The following PRIMPOL variants were observed in gnomAD, a reference collection of about 807,000 sequenced individuals.
PRIMPOL encodes DNA-directed primase/polymerase protein.
PRIMPOL carries 54 observed loss-of-function variants against 63.6 expected under a neutral mutation model. The ratio of observed to expected loss-of-function variants is 0.85; its 90% CI spans 0.68 to 1.07. The LOEUF is 1.07. Ranked by LOEUF, PRIMPOL falls within the 50% of genes least tolerant of loss-of-function variation. The probability of loss-of-function intolerance (pLI) is 0.00; values close to 1 mark genes in which losing one functional copy is unlikely to be tolerated. For missense variants in PRIMPOL, 610 were observed against 648.3 expected (o/e 0.94, Z 0.64); for synonymous variants, 197 against 220.2 (o/e 0.89, Z 0.93).
rs1237870521 is a variant in PRIMPOL, at chr4:184,666,055, A to G, written c.547A>G (p.Ile183Val). The change falls in exon 6 of 14, where the codon ATT (isoleucine) becomes GTT (valine). Residue 183 changes from isoleucine (I) to valine (V), a missense_variant. Transcript: ENST00000314970. ...QLHDVAFKDN[I>V]HVGNFLRKIL... ...CCATGATGTGGCATTTAAAGATAATATTCATGTTGGTAAGTACACGGCTTT... is the reference window on the plus strand; with the variant it reads ...CCATGATGTGGCATTTAAAGATAATGTTCATGTTGGTAAGTACACGGCTTT... 2 of 1,604,142 alleles carry G rather than the reference A, an allele frequency of 1.2e-6. No homozygotes were observed. Among genetic ancestry groups the G allele is most frequent in the African/African-American group, 2.7e-5 (2 of 74,480 alleles).
At chr4:184,655,681 G>A (rs998328803) in intron 2 of PRIMPOL, among the ~76,000 whole-genome samples, 2 of 152,132 alleles carry the variant, frequency 1.3e-5, no homozygotes, top group Non-Finnish European at 2.9e-5. Context: ...ATTTGCCAAT[G>A]AGTTTGTGTT....
At chr4:184,692,618 ATTTTC>A (rs148316053) in intron 13 of PRIMPOL, among the ~76,000 whole-genome samples, 9,838 of 151,862 alleles carry the variant, frequency 0.065, 1,012 homozygotes, top group African/African-American at 0.22. Context: ...ATGTATGCTC[ATTTTC>A]TTTTTTTTTG....
chr4:184,657,524 T>A, intron 3 of PRIMPOL: 1 of 474,510 alleles, frequency 2.1e-6, no homozygotes, highest in Non-Finnish European at 3.7e-6. Flanking sequence ...ATTAACCATT[T>A]AATTTATATT....
chr4:184,677,730 G>A lies in PRIMPOL; in HGVS notation c.845-502G>A, dbSNP rs902189491. On this transcript the variant is annotated intron_variant, in intron 7 of 13. Transcript: ENST00000314970. ...TTGAATCTATAGATCACCTAGGGGA[G>A]AACTGACATTTTTATAATATTGAGT... 1.8e-4 allele frequency among the ~76,000 whole-genome samples: 27 copies of A among 152,272 alleles called. 2 individuals are homozygous for A. In the South Asian group the frequency reaches 5.6e-3, roughly 32 times the overall value.
chr4:184,684,897 C>T (rs1186825477), intron 9 of PRIMPOL, among the ~76,000 whole-genome samples: 4 of 152,030 alleles, frequency 2.6e-5, no homozygotes, highest in Non-Finnish European at 2.9e-5. Context: ...TAGCTGGGAT[C>T]GGGGGTGTTG....
chr4:184,673,665 C>T (rs928398550), intron 7 of PRIMPOL, among the ~76,000 whole-genome samples: 2 of 152,024 alleles, frequency 1.3e-5, no homozygotes, highest in South Asian at 2.1e-4. Context: ...CCTCGTGATC[C>T]GCCCGCCTCA....
chr4:184,687,052 T>C (rs1295797948), intron 11 of PRIMPOL, among the ~76,000 whole-genome samples: 1 of 152,166 alleles, frequency 6.6e-6, no homozygotes, highest in East Asian at 1.9e-4. Context: ...ATATCATACA[T>C]ACAAAAGTAT....
At chr4:184,662,079 G>T (rs1244677100) in intron 5 of PRIMPOL, among the ~76,000 whole-genome samples, 176 bp downstream of exon 5, 1 of 152,060 alleles carries the variant, frequency 6.6e-6, no homozygotes, top group African/African-American at 2.4e-5. Flanking sequence ...GAAAAGGAAG[G>T]AAAGTTCAAT....
At chr4:184,685,551 T>C in intron 10 of PRIMPOL, 25 bp from the exon 11 acceptor site, 1 of 1,595,592 alleles carries the variant, frequency 6.3e-7, no homozygotes, top group South Asian at 1.1e-5. Flanking sequence ...TGATAGTAGC[T>C]TTAGAAACAT....
At chr4:184,685,741 T>C (rs1756820507) in intron 11 of PRIMPOL, 57 bp downstream of exon 11, 1 of 746,048 alleles carries the variant, frequency 1.3e-6, no homozygotes, top group African/African-American at 1.9e-5. Context: ...TAAATATTTA[T>C]AACTTTTAAA....
At chr4:184,651,425 C>T (rs1744431997) in intron 1 of PRIMPOL, among the ~76,000 whole-genome samples, 1 of 152,184 alleles carries the variant, frequency 6.6e-6, no homozygotes, top group South Asian at 2.1e-4. Context: ...CAATGTTTGA[C>T]AGTCCTTTTT....
intron 9 of PRIMPOL, among the ~76,000 whole-genome samples, chr4:184,683,990 A>C (rs917459921): frequency 6.6e-6 from 1 of 151,002 alleles, no homozygotes; most frequent in Non-Finnish European, 1.5e-5. Context: ...AATATGGATA[A>C]ATTTTCTTAT....
chr4:184,689,911 T>C (rs1207271361), intron 11 of PRIMPOL, among the ~76,000 whole-genome samples: 9 of 152,218 alleles, frequency 5.9e-5, no homozygotes. Flanking sequence ...CTAGCAGTAT[T>C]TCAATATCCT....
intron 7 of PRIMPOL, among the ~76,000 whole-genome samples, chr4:184,674,113 A>G (rs1752672857): frequency 6.6e-6 from 1 of 152,050 alleles, no homozygotes; most frequent in Admixed American, 6.6e-5. Flanking sequence ...AGAACACAGT[A>G]CCCCAGGTCA....
chr4:184,662,124 TA>T (rs200635248), intron 5 of PRIMPOL, among the ~76,000 whole-genome samples: 4 of 152,016 alleles, frequency 2.6e-5, no homozygotes, highest in South Asian at 2.1e-4. Context: ...TGCTGTCTGG[TA>T]AAAAAAATGC....
chr4:184,657,208 C>T lies in PRIMPOL; in HGVS notation c.68C>T (p.Pro23Leu), dbSNP rs367905336. ...CGAGCATCTCATTATGAGAGGAAAC[C>T]GTTGTCCTCAGTGTATAGACCAAGA... ...EERASHYERK[P>L]LSSVYRPRLS... Residue 23 changes from proline to leucine, a missense_variant, in exon 3 of 14, where the codon CCG becomes CTG. Pro to Leu is a moderately conservative substitution (Grantham distance 98). Coordinates refer to ENST00000314970, the MANE Select transcript of PRIMPOL (RefSeq NM_152683.4). 3.2e-5 allele frequency: 52 copies of T among 1,612,872 alleles called. No individual in the cohort carries two copies. Among genetic ancestry groups the T allele is most frequent in the African/African-American group, 2.3e-4 (17 of 74,844 alleles).
At chr4:184,693,592 T>C (rs1759596461) in intron 13 of PRIMPOL, among the ~76,000 whole-genome samples, 1 of 152,224 alleles carries the variant, frequency 6.6e-6, no homozygotes, top group Non-Finnish European at 1.5e-5. Flanking sequence ...TGCTTTTCTA[T>C]TGCACTGATA....
rs1197955439 is a variant in PRIMPOL, at chr4:184,657,292, CT to C, written c.156del (p.Phe52LeufsTer20). ...IWRLFHRQAQ[A>X]FNFVKSCKED... is the part of the protein sequence containing the mutation. ...AGACTATTTCATCGACAAGCTCAAG[CT>C]TTTAATTTTGTTAAAAGCTGTAAAG... On this transcript the variant is annotated frameshift_variant, in exon 3 of 14. Coordinates refer to ENST00000314970, the MANE Select transcript of PRIMPOL (RefSeq NM_152683.4). LOFTEE classifies it high-confidence loss of function. The C allele has an allele frequency of 6.2e-7, 1 of 1,610,972 alleles. No individual in the cohort carries two copies. The highest frequency in any genetic ancestry group is 8.5e-7 in the Non-Finnish European group (1 of 1,179,032).
Position 184,678,788 on chromosome 4 carries a change from A to G in PRIMPOL, c.1007+394A>G, listed in dbSNP as rs190979358. Among the ~76,000 whole-genome samples, 1,230 of 152,222 alleles carry G rather than the reference A, an allele frequency of 8.1e-3. 20 individuals are homozygous for G. The highest frequency in any genetic ancestry group is 0.027 in the African/African-American group (1,105 of 41,540). On this transcript the variant is annotated intron_variant, in intron 8 of 13. Transcript: ENST00000314970. ...GGTGATCTGCCGACCTCAGCCTCCC[A>G]AAGTGCTAGGATTACAGGTGTGAGC...
Sources: gnomAD v4.1 joint callset for allele counts (sites outside exome capture counted in the v4.1 genomes callset) on GRCh38, gnomAD v4.1.1 for gene constraint, MANE v1.5 for transcripts, NCBI Gene and HGNC (gene_info 2026-07-23, HGNC 2026-07-21) for gene names.